PTPRD: variants seen among roughly 807,000 people sequenced by gnomAD.
PTPRD encodes the protein protein tyrosine phosphatase receptor type D.
Under a neutral mutation model 214.5 loss-of-function variants are expected in PTPRD, and 34 were observed. The ratio of observed to expected loss-of-function variants is 0.16; its 90% CI spans 0.12 to 0.21. The LOEUF is 0.21. Among genes scored for constraint, PTPRD ranks in the 10% least tolerant of loss-of-function variants. The pLI is 1.00. For missense variants in PTPRD, 2,545 were observed against 2,398.7 expected, an observed-to-expected ratio of 1.06 and a Z score of -1.27; for synonymous variants, 1,128 against 845.7, an observed-to-expected ratio of 1.33 and a Z score of -5.79.
At chr9:9,149,746 C>CT (rs2099874904) in intron 10 of PTPRD, among the ~76,000 whole-genome samples, 1 of 152,110 alleles carries the variant, frequency 6.6e-6, no homozygotes, top group African/African-American at 2.4e-5. Flanking sequence ...GTCTTTATGC[C>CT]TTGGCCTGTA....
chr9:8,955,346 A>G (rs1050029283), intron 11 of PTPRD, among the ~76,000 whole-genome samples: 1 of 151,756 alleles, frequency 6.6e-6, no homozygotes, highest in Non-Finnish European at 1.5e-5. Context: ...ATCTGCTTGG[A>G]TAGATAGAGA....
chr9:9,175,484 A>T (rs2099924081), intron 10 of PTPRD, among the ~76,000 whole-genome samples: 1 of 151,742 alleles, frequency 6.6e-6, no homozygotes, highest in Non-Finnish European at 1.5e-5. Flanking sequence ...TTAGCTGAGC[A>T]TGATGGTGGG....
At chr9:9,942,664 G>A (rs2091786274) in intron 4 of PTPRD, among the ~76,000 whole-genome samples, 1 of 151,984 alleles carries the variant, frequency 6.6e-6, no homozygotes, top group Admixed American at 6.6e-5. Flanking sequence ...AAATCTTACA[G>A]GTGAAAAGTT....
At chr9:9,041,011 C>T (rs752475335) in intron 10 of PTPRD, among the ~76,000 whole-genome samples, 4 of 152,082 alleles carry the variant, frequency 2.6e-5, no homozygotes, top group Non-Finnish European at 5.9e-5. Context: ...CTTGTCTTAA[C>T]TACACTGAAA....
chr9:9,114,728 CT>C (rs2154457429), intron 10 of PTPRD, among the ~76,000 whole-genome samples: 1 of 152,142 alleles, frequency 6.6e-6, no homozygotes, highest in South Asian at 2.1e-4. Context: ...CAATGTAACC[CT>C]TTTGCCTCCT....
intron 10 of PTPRD, among the ~76,000 whole-genome samples, chr9:9,081,910 G>A (rs1412915875): frequency 6.6e-6 from 1 of 150,542 alleles, no homozygotes; most frequent in South Asian, 2.1e-4. Flanking sequence ...CACGTGAGGT[G>A]GGTCTTAGTC....
intron 10 of PTPRD, among the ~76,000 whole-genome samples, chr9:9,179,258 T>A (rs894771294): frequency 7.2e-5 from 11 of 152,144 alleles, no homozygotes; most frequent in Non-Finnish European, 1.5e-4. Flanking sequence ...TAGCATTTAA[T>A]CAAATGTTAT....
At chr9:9,645,591 C>G (rs932336118) in intron 7 of PTPRD, among the ~76,000 whole-genome samples, 1 of 151,642 alleles carries the variant, frequency 6.6e-6, no homozygotes, top group Non-Finnish European at 1.5e-5. Flanking sequence ...TTTCTGATGT[C>G]TTCAATGGCT....
chr9:9,599,215 C>G (rs1279144103), intron 7 of PTPRD, among the ~76,000 whole-genome samples: 2 of 152,050 alleles, frequency 1.3e-5, no homozygotes, highest in Non-Finnish European at 2.9e-5. Flanking sequence ...TAAAGTAATA[C>G]CCTTCTATTA....
chr9:9,466,747 G>T (rs528993063), intron 8 of PTPRD, among the ~76,000 whole-genome samples: 1 of 151,912 alleles, frequency 6.6e-6, no homozygotes, highest in South Asian at 2.1e-4. Flanking sequence ...TTTTTTCCTG[G>T]ACTTTTTGAT....
At chr9:9,328,045 G>C (rs2040725586) in intron 9 of PTPRD, among the ~76,000 whole-genome samples, 1 of 152,094 alleles carries the variant, frequency 6.6e-6, no homozygotes, top group African/African-American at 2.4e-5. Context: ...CATAGTTTTT[G>C]TGTTGTCTGT....
intron 2 of PTPRD, among the ~76,000 whole-genome samples, chr9:10,489,082 G>C (rs370056796): frequency 4.7e-4 from 72 of 152,236 alleles, no homozygotes; most frequent in African/African-American, 1.6e-3. Context: ...CCTGAAGCCA[G>C]CAAGTCTAAG....
intron 3 of PTPRD, among the ~76,000 whole-genome samples, chr9:10,167,320 C>T (rs907872160): frequency 2.0e-5 from 3 of 151,866 alleles, no homozygotes; most frequent in Non-Finnish European, 2.9e-5. Context: ...TGGGCTCATG[C>T]GTGCACGTCT....
chr9:9,522,361 A>C (rs2097001458), intron 8 of PTPRD, among the ~76,000 whole-genome samples: 1 of 152,116 alleles, frequency 6.6e-6, no homozygotes, highest in Admixed American at 6.6e-5. Flanking sequence ...TATGTTGTAG[A>C]GGGAACTCTG....
chr9:9,786,916 A>T (rs1305861087), intron 5 of PTPRD, among the ~76,000 whole-genome samples: 2 of 152,072 alleles, frequency 1.3e-5, no homozygotes, highest in African/African-American at 4.8e-5. Flanking sequence ...AGGCCGAGGC[A>T]GGTGGATCAG....
chr9:10,592,457 A>C (rs1050399878), intron 2 of PTPRD, among the ~76,000 whole-genome samples: 1 of 152,008 alleles, frequency 6.6e-6, no homozygotes, highest in Non-Finnish European at 1.5e-5. Flanking sequence ...GAAGGACAGA[A>C]CATTACAGTA....
At chr9:9,616,921 T>A (rs2094906651) in intron 7 of PTPRD, among the ~76,000 whole-genome samples, 1 of 152,140 alleles carries the variant, frequency 6.6e-6, no homozygotes. Context: ...TGAGGAGTGT[T>A]TTACTTCCAA....
intron 5 of PTPRD, among the ~76,000 whole-genome samples, chr9:9,835,671 G>A (rs117128172): frequency 1.4e-3 from 220 of 152,224 alleles, no homozygotes; most frequent in Non-Finnish European, 2.2e-3. Context: ...CAGGACAGAA[G>A]ATGACATTGT....
chr9:9,346,479 G>T (rs2048849656), intron 9 of PTPRD, among the ~76,000 whole-genome samples: 1 of 152,066 alleles, frequency 6.6e-6, no homozygotes, highest in Non-Finnish European at 1.5e-5. Context: ...TATTACGATT[G>T]TAAGTACTTA....
Sources: allele counts gnomAD v4.1 joint callset (sites outside exome capture counted in the v4.1 genomes callset), GRCh38; gene constraint gnomAD v4.1.1; transcripts MANE v1.5; gene names NCBI Gene and HGNC (gene_info 2026-07-23, HGNC 2026-07-21).